The following PLXDC2 variants were observed in gnomAD, a reference collection of about 807,000 sequenced individuals.
PLXDC2 encodes the protein plexin domain-containing protein 2.
In PLXDC2, 40 loss-of-function variants were observed where a neutral mutation model predicts 68.9. The observed-to-expected ratio is 0.58, with a 90% CI of 0.45 to 0.76. The LOEUF is 0.76. PLXDC2 is among the 30% of genes least tolerant of loss of function. The pLI is 0.00. For synonymous variants in PLXDC2, 243 were observed against 234.2 expected (o/e 1.04, Z -0.34); for missense variants, 644 against 661.9 (o/e 0.97, Z 0.30).
At chr10:20,235,767 A>G (rs1323868407) in intron 12 of PLXDC2, among the ~76,000 whole-genome samples, 1 of 152,222 alleles carries the variant, frequency 6.6e-6, no homozygotes, top group African/African-American at 2.4e-5. Context: ...GATAAGTAGT[A>G]AACATTCATC....
At chr10:19,878,315 T>C (rs763485562) in intron 1 of PLXDC2, among the ~76,000 whole-genome samples, 3 of 152,036 alleles carry the variant, frequency 2.0e-5, no homozygotes, top group African/African-American at 2.4e-5. Context: ...GATCCTCCTG[T>C]CTCAGCCTCC....
chr10:20,016,102 C>G (rs1589587601), intron 2 of PLXDC2, among the ~76,000 whole-genome samples: 2 of 152,252 alleles, frequency 1.3e-5, no homozygotes, highest in Admixed American at 1.3e-4. Context: ...ACCAAGAAGC[C>G]ATGAAATGAC....
At chr10:20,142,758 T>A (rs567450875) in intron 4 of PLXDC2, among the ~76,000 whole-genome samples, 1 of 151,954 alleles carries the variant, frequency 6.6e-6, no homozygotes, top group African/African-American at 2.4e-5. Context: ...AACCAACAAT[T>A]TGAAAACGTC....
chr10:20,256,745 G>C (rs1220143902), intron 13 of PLXDC2, among the ~76,000 whole-genome samples: 1 of 151,330 alleles, frequency 6.6e-6, no homozygotes, highest in Non-Finnish European at 1.5e-5. Flanking sequence ...AAGTGGACTT[G>C]AATCCTGAAT....
chr10:20,107,344 C>T (rs1278904401), intron 4 of PLXDC2, among the ~76,000 whole-genome samples: 1 of 151,930 alleles, frequency 6.6e-6, no homozygotes, highest in Non-Finnish European at 1.5e-5. Context: ...CTAGTCCTTC[C>T]ACAAATATTC....
intron 1 of PLXDC2, among the ~76,000 whole-genome samples, chr10:19,967,929 T>C (rs566219837): frequency 2.0e-4 from 30 of 152,320 alleles, no homozygotes; most frequent in African/African-American, 6.5e-4. Flanking sequence ...CTGATTTCTA[T>C]CAACTAAAAT....
chr10:20,117,709 G>A (rs1400872577), intron 4 of PLXDC2, among the ~76,000 whole-genome samples: 4 of 152,112 alleles, frequency 2.6e-5, no homozygotes, highest in Admixed American at 2.6e-4. Flanking sequence ...GAAGGACTTA[G>A]GGCTTCTTTC....
intron 1 of PLXDC2, among the ~76,000 whole-genome samples, chr10:19,930,012 T>C (rs1031594474): frequency 1.3e-5 from 2 of 152,066 alleles, no homozygotes; most frequent in Admixed American, 1.3e-4. Flanking sequence ...TTTAGTGCTC[T>C]CAGAAGAGCA....
intron 3 of PLXDC2, among the ~76,000 whole-genome samples, chr10:20,061,098 A>G (rs1389639576): frequency 6.6e-6 from 1 of 152,214 alleles, no homozygotes; most frequent in African/African-American, 2.4e-5. Flanking sequence ...TTAACTCCTT[A>G]TATACTCGTG....
intron 6 of PLXDC2, among the ~76,000 whole-genome samples, chr10:20,163,002 A>G (rs1834326364): frequency 6.6e-6 from 1 of 151,838 alleles, no homozygotes; most frequent in South Asian, 2.1e-4. Context: ...AATAGCTTCA[A>G]CCCGGGAGGC....
intron 1 of PLXDC2, among the ~76,000 whole-genome samples, chr10:19,839,628 T>A (rs1486926365): frequency 1.7e-5 from 2 of 114,868 alleles, no homozygotes; most frequent in East Asian, 2.7e-4. Context: ...CCACCTCACA[T>A]GTTGGTGTTT....
chr10:19,980,886 A>G (rs756420584), intron 1 of PLXDC2, among the ~76,000 whole-genome samples: 14 of 152,162 alleles, frequency 9.2e-5, no homozygotes, highest in Non-Finnish European at 1.9e-4. Context: ...TCAGTCCATA[A>G]CATCTGGTTT....
At chr10:19,936,601 C>T (rs1443899028) in intron 1 of PLXDC2, among the ~76,000 whole-genome samples, 1 of 152,152 alleles carries the variant, frequency 6.6e-6, no homozygotes, top group Non-Finnish European at 1.5e-5. Context: ...TGCACTGGGG[C>T]GGGCTCACAC....
rs1554765386 is a variant in PLXDC2, at chr10:20,082,070, A to AAAAC, written c.541+13834_541+13835insCAAA. Among the ~76,000 whole-genome samples, 7 of 121,984 alleles carry AAAAC rather than the reference A, an allele frequency of 5.7e-5. 1 individual carries two copies. Among genetic ancestry groups the AAAAC allele is most frequent in the South Asian group, 5.9e-4 (2 of 3,362 alleles). The allele number at this position is 121,984 out of a possible 152,430, so 80.0% of individuals were successfully genotyped here. On this transcript the variant is annotated intron_variant, in intron 4 of 13. Coordinates refer to ENST00000377252, the MANE Select transcript of PLXDC2 (RefSeq NM_032812.9). ...GAAAAAAAAAAAAAAAAATCAAAAA[A>AAAAC]AAAAAACAGGAGAAGTCTGAGAAAC...
In PLXDC2 at chr10:20,283,772, A is replaced by C. The variant is rs1042472529; in HGVS notation, c.*3953A>C. On this transcript the variant is annotated 3_prime_UTR_variant, in exon 14 of 14. Transcript: ENST00000377252. ...CTTCCATTTAGAAGGCACTATCTCA[A>C]ACATAAATAATTTCATATTTATTTT... 18 of 152,222 alleles carry C rather than the reference A, an allele frequency of 1.2e-4. No individual in the cohort carries two copies. Among genetic ancestry groups the C allele is most frequent in the Admixed American group, 1.1e-3 (17 of 15,278 alleles). The allele number at this position is 152,222 out of a possible 1,614,324, so 9.4% of individuals were successfully genotyped here.
chr10:20,030,072 A>G (rs1282214404), intron 2 of PLXDC2, among the ~76,000 whole-genome samples: 1 of 152,208 alleles, frequency 6.6e-6, no homozygotes. Flanking sequence ...TTGAAAAAAA[A>G]TGGATGCTAC....
chr10:20,240,740 A>T (rs2119325191), intron 12 of PLXDC2, among the ~76,000 whole-genome samples: 1 of 151,704 alleles, frequency 6.6e-6, no homozygotes. Flanking sequence ...AAGGTTAAAT[A>T]ATATGAGAGT....
intron 1 of PLXDC2, among the ~76,000 whole-genome samples, chr10:19,821,917 T>A (rs984601946): frequency 6.6e-6 from 1 of 152,052 alleles, no homozygotes; most frequent in Admixed American, 6.6e-5. Flanking sequence ...TACATTCCTT[T>A]AAAAAAAATT....
chr10:19,854,760 A>G (rs144624934), intron 1 of PLXDC2, among the ~76,000 whole-genome samples: 3 of 152,190 alleles, frequency 2.0e-5, no homozygotes, highest in East Asian at 3.9e-4. Context: ...AGTCCCAGGA[A>G]CTCCAGGGGA....
Sources: gnomAD v4.1 joint callset for allele counts (sites outside exome capture counted in the v4.1 genomes callset) on GRCh38, gnomAD v4.1.1 for gene constraint, MANE v1.5 for transcripts, NCBI Gene and HGNC (gene_info 2026-07-23, HGNC 2026-07-21) for gene names.